The following ANO10 variants were observed in gnomAD, a reference collection of about 807,000 sequenced individuals.
ANO10 encodes the protein anoctamin-10.
ANO10 carries 77 observed loss-of-function variants against 74.7 expected under a neutral mutation model. The observed-to-expected ratio is 1.03, with a 90% CI of 0.86 to 1.25. The LOEUF (loss-of-function observed/expected upper bound fraction) is 1.25, where lower values mean the gene tolerates loss of function less well. ANO10 is among the 50% of genes most tolerant of loss of function. The pLI, the probability that ANO10 is intolerant of heterozygous loss-of-function variation, is 0.00. For missense variants in ANO10, 721 were observed against 778.1 expected (o/e 0.93, Z 0.87); for synonymous variants, 279 against 284.9 (o/e 0.98, Z 0.21).
At chr3:43,513,899 C>T (rs974496416) in intron 11 of ANO10, among the ~76,000 whole-genome samples, 17 of 151,096 alleles carry the variant, frequency 1.1e-4, no homozygotes, top group African/African-American at 2.4e-4. Context: ...GTATTATTTG[C>T]TATTTTTAAA....
At chr3:43,436,917 T>C (rs1327884946) in intron 11 of ANO10, among the ~76,000 whole-genome samples, 1 of 152,244 alleles carries the variant, frequency 6.6e-6, no homozygotes, top group East Asian at 1.9e-4. Flanking sequence ...AAAGCAGATC[T>C]GATTCCTACA....
chr3:43,601,535 C>T (rs1575524057), intron 2 of ANO10, among the ~76,000 whole-genome samples: 1 of 152,136 alleles, frequency 6.6e-6, no homozygotes, highest in South Asian at 2.1e-4. Flanking sequence ...TACTATTTAC[C>T]CTCTAGAGAT....
intron 12 of ANO10, chr3:43,372,860 C>T: frequency 6.5e-7 from 1 of 1,534,804 alleles, no homozygotes; most frequent in African/African-American, 1.4e-5. Flanking sequence ...GCAGTAGCAG[C>T]CAGAGAAATT....
intron 12 of ANO10, among the ~76,000 whole-genome samples, chr3:43,411,606 G>A (rs2092666319): frequency 6.6e-6 from 1 of 152,176 alleles, no homozygotes; most frequent in Non-Finnish European, 1.5e-5. Flanking sequence ...GGGCTGGCAG[G>A]AGTCCTTCCA....
At chr3:43,469,256 C>T (rs571889399) in intron 11 of ANO10, among the ~76,000 whole-genome samples, 2 of 151,412 alleles carry the variant, frequency 1.3e-5, no homozygotes, top group South Asian at 2.1e-4. Context: ...CCATGTTGGC[C>T]AGGCTGGTCT....
At position 43,530,874 on chromosome 3, in the gene ANO10, ATG is replaced by A. The variant is rs140115664; in HGVS notation, c.1797+18844_1797+18845del. On this transcript the variant is annotated intron_variant, in intron 11 of 12. Coordinates refer to ENST00000292246, the MANE Select transcript of ANO10 (RefSeq NM_018075.5). ...ATCCTTTGCAGATAAGCTGGGACTA[ATG>A]TGTGTGTGTGTGTGTATGTGTGTGT... is the stretch of plus-strand genomic sequence containing the variant. 8.6e-4 allele frequency among the ~76,000 whole-genome samples: 129 copies of A among 150,696 alleles called. 1 individual carries two copies. In the South Asian group the frequency reaches 9.0e-3, roughly 10 times the overall value.
At chr3:43,425,829 T>C (rs1485097500) in intron 12 of ANO10, among the ~76,000 whole-genome samples, 1 of 152,150 alleles carries the variant, frequency 6.6e-6, no homozygotes, top group Non-Finnish European at 1.5e-5. Context: ...GTGGGGGAAA[T>C]CTGCGTCTGT....
rs1362347181 is a variant in ANO10, at chr3:43,523,673, G to A, written c.1797+26047C>T. On this transcript the variant is annotated intron_variant, in intron 11 of 12. Transcript: ENST00000292246. ...TATGACTAGATGGATGGTGGTAGAT[G>A]AACTCAGCTTTGGACTGCTCAATTT... is the stretch of plus-strand genomic sequence containing the variant. 8.5e-5 allele frequency among the ~76,000 whole-genome samples: 13 copies of A among 152,194 alleles called. No individual in the cohort carries two copies. In the South Asian group the frequency reaches 2.3e-3, roughly 27 times the overall value.
At position 43,374,982 on chromosome 3, in the gene ANO10, G is replaced by A. The variant is rs531238906; in HGVS notation, c.1915-8008C>T. Among the ~76,000 whole-genome samples the A allele has an allele frequency of 1.4e-4, 22 of 152,048 alleles. 1 individual carries two copies. Among genetic ancestry groups the A allele is most frequent in the East Asian group, 5.8e-4 (3 of 5,160 alleles). ...CTAAAAATACAAAAATTAGCTGGGC[G>A]TGGCGGCAGGCACCTGTAATCCCAG... is the stretch of plus-strand genomic sequence containing the variant. On this transcript the variant is annotated intron_variant, in intron 12 of 12. Coordinates refer to ENST00000292246, the MANE Select transcript of ANO10 (RefSeq NM_018075.5).
intron 11 of ANO10, among the ~76,000 whole-genome samples, chr3:43,459,442 T>A (rs2075284823): frequency 6.6e-6 from 1 of 151,768 alleles, no homozygotes; most frequent in Non-Finnish European, 1.5e-5. Context: ...AGGCTAAGGG[T>A]GAGGGAGGGC....
chr3:43,507,687 G>A (rs1310849486), intron 11 of ANO10, among the ~76,000 whole-genome samples: 1 of 152,128 alleles, frequency 6.6e-6, no homozygotes, highest in Non-Finnish European at 1.5e-5. Context: ...CCTGATGGAT[G>A]AGGGTAGCCT....
intron 1 of ANO10, among the ~76,000 whole-genome samples, chr3:43,689,780 AG>A (rs2084327348): frequency 6.6e-6 from 1 of 152,248 alleles, no homozygotes. Flanking sequence ...GAGGAGAGTC[AG>A]GGAAGGAGAA....
intron 1 of ANO10, among the ~76,000 whole-genome samples, chr3:43,630,698 C>T (rs78695329): frequency 7.3e-4 from 111 of 152,296 alleles, no homozygotes; most frequent in Admixed American, 1.2e-3. Flanking sequence ...CTGCTCAAAA[C>T]GTTATTTTCT....
At chr3:43,631,569 T>G (rs2083547374) in intron 1 of ANO10, among the ~76,000 whole-genome samples, 1 of 152,078 alleles carries the variant, frequency 6.6e-6, no homozygotes, top group South Asian at 2.1e-4. Flanking sequence ...AGACTTGGCA[T>G]AAACATAGTG....
intron 11 of ANO10, among the ~76,000 whole-genome samples, chr3:43,494,414 T>C (rs1304272906): frequency 6.6e-6 from 1 of 151,932 alleles, no homozygotes; most frequent in Non-Finnish European, 1.5e-5. Context: ...GATTGCGCCA[T>C]TGCACTCTAG....
intron 12 of ANO10, among the ~76,000 whole-genome samples, chr3:43,393,216 C>T (rs922937187): frequency 6.6e-6 from 1 of 152,196 alleles, no homozygotes; most frequent in African/African-American, 2.4e-5. Flanking sequence ...ATTAACAACA[C>T]TAAATTCAAG....
intron 4 of ANO10, among the ~76,000 whole-genome samples, chr3:43,583,135 G>A (rs1447909065): frequency 6.6e-6 from 1 of 152,126 alleles, no homozygotes; most frequent in Non-Finnish European, 1.5e-5. Flanking sequence ...TGAAGACTCA[G>A]AGAGAATATA....
chr3:43,665,068 ATGCACAT>A (rs1259718932), intron 1 of ANO10, among the ~76,000 whole-genome samples: 2 of 152,228 alleles, frequency 1.3e-5, no homozygotes, highest in Non-Finnish European at 2.9e-5. Flanking sequence ...ATAAAGACAC[ATGCACAT>A]GTATGTTTAC....
chr3:43,476,286 C>T (rs2076062745), intron 11 of ANO10, among the ~76,000 whole-genome samples: 1 of 152,038 alleles, frequency 6.6e-6, no homozygotes, highest in Non-Finnish European at 1.5e-5. Flanking sequence ...GAAGGTTGCC[C>T]CCAAGTTTTC....
Sources: gnomAD v4.1 joint callset for allele counts (sites outside exome capture counted in the v4.1 genomes callset) on GRCh38, gnomAD v4.1.1 for gene constraint, MANE v1.5 for transcripts, NCBI Gene and HGNC (gene_info 2026-07-23, HGNC 2026-07-21) for gene names.